The following MAN1C1 variants were observed in gnomAD, a reference collection of about 807,000 sequenced individuals.
The protein encoded by MAN1C1 is mannosyl-oligosaccharide 1,2-alpha-mannosidase IC.
In MAN1C1, 49 loss-of-function variants were observed where a neutral mutation model predicts 71.5. That is an observed-to-expected ratio of 0.69 (90% CI 0.54 to 0.87). MAN1C1 has a LOEUF of 0.87. MAN1C1 is among the 40% of genes least tolerant of loss of function. MAN1C1 has a pLI of 0.00. For synonymous variants in MAN1C1, 352 were observed against 343.7 expected, an observed-to-expected ratio of 1.02 and a Z score of -0.27; for missense variants, 743 against 835.0, an observed-to-expected ratio of 0.89 and a Z score of 1.36.
intron 1 of MAN1C1, among the ~76,000 whole-genome samples, chr1:25,672,860 G>A (rs925951711): frequency 7.9e-5 from 12 of 152,222 alleles, no homozygotes; most frequent in African/African-American, 2.9e-4. Flanking sequence ...CAAGAGGCAG[G>A]TAGGTGTTTT....
Position 25,781,076 on chromosome 1 carries a change from C to A in MAN1C1, c.1614C>A (p.Asn538Lys), listed in dbSNP as rs1227573869. Reference sequence around the variant, plus strand: ...TGTACCTGTGGCGACAGACCCACAACCCCATCTACAGGGAGTGGGGCTGGG... The same window carrying A: ...TGTACCTGTGGCGACAGACCCACAAACCCATCTACAGGGAGTGGGGCTGGG... ...SYMYLWRQTH[N>K]PIYREWGWEV... Residue 538 changes from asparagine (N) to lysine (K), a missense_variant, in exon 10 of 12, where the codon AAC becomes AAA. Transcript: ENST00000374332. The A allele has an allele frequency of 6.2e-7, 1 of 1,614,078 alleles. No homozygotes were observed. Among genetic ancestry groups the A allele is most frequent in the Non-Finnish European group, 8.5e-7 (1 of 1,180,010 alleles).
rs1252169178 is a variant in MAN1C1 at position 25,674,637 on chromosome 1, G to A, written c.541-11803G>A. Among the ~76,000 whole-genome samples, 4 of 152,172 alleles carry A rather than the reference G, an allele frequency of 2.6e-5. No individual in the cohort carries two copies. The East Asian group carries it at 7.7e-4, about 29-fold the overall frequency. ...AAAAGAGGAGGGAGGAGTTGTCCAA[G>A]GAGCGGGACTATTGTGTGCAAAGGC... On this transcript the variant is annotated intron_variant, in intron 1 of 11. Transcript: ENST00000374332.
At chr1:25,653,728 T>C (rs2045724656) in intron 1 of MAN1C1, among the ~76,000 whole-genome samples, 1 of 152,158 alleles carries the variant, frequency 6.6e-6, no homozygotes, top group Non-Finnish European at 1.5e-5. Context: ...GGAAGTTTGC[T>C]GAGTAGCCCA....
At chr1:25,741,792 C>A (rs2047066915) in intron 2 of MAN1C1, among the ~76,000 whole-genome samples, 1 of 152,124 alleles carries the variant, frequency 6.6e-6, no homozygotes, top group African/African-American at 2.4e-5. Context: ...TAGATTTCCA[C>A]AGGAGAAGGT....
chr1:25,778,071 C>T lies in MAN1C1; in HGVS notation c.1258-34C>T, dbSNP rs548584901. On this transcript the variant is annotated intron_variant, in intron 8 of 11. Coordinates refer to ENST00000374332, the MANE Select transcript of MAN1C1 (RefSeq NM_020379.4). The surrounding 1 kb of genome is among the most constrained non-coding windows in gnomAD (Gnocchi z 5.5). ...CCCCTTCTCTGTGCCCTCCCACGCCCCTTCTCCCTGCCCAATCCCCACCTT... is the reference window on the plus strand; with the variant it reads ...CCCCTTCTCTGTGCCCTCCCACGCCTCTTCTCCCTGCCCAATCCCCACCTT... 6 of 1,487,036 alleles carry T rather than the reference C, an allele frequency of 4.0e-6. No individual in the cohort carries two copies. The highest frequency in any genetic ancestry group is 2.1e-5 in the Admixed American group (1 of 47,300). 92.1% of individuals were successfully genotyped at this position (1,487,036 alleles called of 1,614,324 possible).
Position 25,618,147 on chromosome 1 carries a change from C to G in MAN1C1, c.350C>G (p.Pro117Arg). The change falls in exon 1 of 12, where the codon CCC (proline) becomes CGC (arginine). Residue 117 changes from proline (P) to arginine (R), a missense_variant. Transcript: ENST00000374332. ...CTGCGGCGCACCCGCCCCACTGGAC[C>G]CCGCGAGGAGGCCACGGCGGCCCGG... ...GGLRRTRPTG[P>R]REEATAARGN... 1 of 1,536,992 alleles carries G rather than the reference C, an allele frequency of 6.5e-7. No homozygotes were observed. The highest frequency in any genetic ancestry group is 8.7e-7 in the Non-Finnish European group (1 of 1,148,250).
intron 2 of MAN1C1, among the ~76,000 whole-genome samples, chr1:25,705,290 T>A (rs1449479786): frequency 2.0e-5 from 3 of 152,214 alleles, no homozygotes; most frequent in Non-Finnish European, 2.9e-5. Flanking sequence ...AGAGAAGATA[T>A]GTATTTCTGC....
chr1:25,772,770 C>T (rs1043489912), intron 8 of MAN1C1, among the ~76,000 whole-genome samples: 8 of 152,284 alleles, frequency 5.3e-5, no homozygotes, highest in Non-Finnish European at 8.8e-5. Context: ...CCATCGGGTC[C>T]GCCTTCCCTG....
intron 5 of MAN1C1, among the ~76,000 whole-genome samples, chr1:25,754,736 T>C (rs1163681388): frequency 1.3e-5 from 2 of 152,084 alleles, no homozygotes; most frequent in African/African-American, 2.4e-5. Flanking sequence ...TAGGACATCA[T>C]TGGGGGCATC....
At chr1:25,641,324 C>A (rs1177272035) in intron 1 of MAN1C1, among the ~76,000 whole-genome samples, 1 of 152,184 alleles carries the variant, frequency 6.6e-6, no homozygotes, top group Non-Finnish European at 1.5e-5. Flanking sequence ...ACCCCAGGTC[C>A]CACCAGTTTA....
intron 4 of MAN1C1, 73 bp downstream of exon 4, chr1:25,749,408 C>A: frequency 1.6e-6 from 2 of 1,289,450 alleles, no homozygotes; most frequent in Non-Finnish European, 2.2e-6. Context: ...GTCCTTCCCC[C>A]TCATGCCATC....
rs1056030944 is a variant in MAN1C1 at position 25,730,793 on chromosome 1, T to G, written c.638-15875T>G. ...TCCCTGTGTGGGCACTTCCTCCTCC[T>G]TTTCACTCTCCTGCCAGACTCTGTT... On this transcript the variant is annotated intron_variant, in intron 2 of 11. Transcript: ENST00000374332. This position sits in a 1 kb window ranked among gnomAD's most constrained non-coding sequence, Gnocchi z 4.3. Among the ~76,000 whole-genome samples the G allele has an allele frequency of 1.3e-5, 2 of 152,162 alleles. No individual in the cohort carries two copies. Among genetic ancestry groups the G allele is most frequent in the African/African-American group, 2.4e-5 (1 of 41,432 alleles).
At chr1:25,648,893 G>A (rs2045653048) in intron 1 of MAN1C1, among the ~76,000 whole-genome samples, 2 of 152,206 alleles carry the variant, frequency 1.3e-5, no homozygotes, top group Non-Finnish European at 2.9e-5. Context: ...GCAAAGAGAA[G>A]GGAAGTTTTC....
intron 9 of MAN1C1, 118 bp from the exon 10 acceptor site, chr1:25,780,822 C>T (rs1557805901): frequency 1.9e-6 from 2 of 1,063,406 alleles, no homozygotes; most frequent in African/African-American, 1.6e-5. Context: ...CACCCCACAC[C>T]CACACACACC....
intron 2 of MAN1C1, among the ~76,000 whole-genome samples, chr1:25,714,985 C>T (rs1349797043): frequency 6.6e-6 from 1 of 152,172 alleles, no homozygotes; most frequent in Non-Finnish European, 1.5e-5. Context: ...GATTGAAAGT[C>T]ACTAGGATTA....
At position 25,746,439 on chromosome 1, in the gene MAN1C1, T is replaced by C. The variant is rs2047129407; in HGVS notation, c.638-229T>C. ...AGTGGCTCAGCCTGGGCCCTCGGTC[T>C]CTCTGGCCGCTGTTTGCTGCCTTGA... On this transcript the variant is annotated intron_variant, in intron 2 of 11. Transcript: ENST00000374332. This position sits in a 1 kb window ranked among gnomAD's most constrained non-coding sequence, Gnocchi z 4.0. Among the ~76,000 whole-genome samples, 1 of 152,154 alleles carries C rather than the reference T, an allele frequency of 6.6e-6. No homozygotes were observed. Among genetic ancestry groups the C allele is most frequent in the South Asian group, 2.1e-4 (1 of 4,824 alleles).
rs534709040 is a variant in MAN1C1 at position 25,634,772 on chromosome 1, A to T, written c.540+16435A>T. ...GAGGCGGAGGTTGCAGTAAGTCGAG[A>T]TTGTGCCACTGCACTCCAGCCTGGG... On this transcript the variant is annotated intron_variant, in intron 1 of 11. Transcript: ENST00000374332. The surrounding 1 kb of genome is among the most constrained non-coding windows in gnomAD (Gnocchi z 4.6). Among the ~76,000 whole-genome samples, 1 of 152,104 alleles carries T rather than the reference A, an allele frequency of 6.6e-6. No homozygotes were observed. Among genetic ancestry groups the T allele is most frequent in the Non-Finnish European group, 1.5e-5 (1 of 68,020 alleles).
chr1:25,623,275 C>A (rs560933172), intron 1 of MAN1C1, among the ~76,000 whole-genome samples: 2 of 152,192 alleles, frequency 1.3e-5, no homozygotes, highest in African/African-American at 4.8e-5. Context: ...AACTCCCACA[C>A]GTTGGTTGTG....
intron 1 of MAN1C1, among the ~76,000 whole-genome samples, chr1:25,637,164 AT>A (rs1437226237): frequency 1.4e-5 from 2 of 146,210 alleles, no homozygotes; most frequent in Admixed American, 8.0e-5. Context: ...AAAAAAAAAA[AT>A]TAAATTAAAA....
Sources: gnomAD v4.1 joint callset for allele counts (sites outside exome capture counted in the v4.1 genomes callset) on GRCh38, gnomAD v4.1.1 for gene constraint, Gnocchi (gnomAD v3.1) non-coding constraint, MANE v1.5 for transcripts, NCBI Gene and HGNC (gene_info 2026-07-23, HGNC 2026-07-21) for gene names.